Variants in EXD3 observed in about 807,000 individuals in gnomAD.
The protein encoded by EXD3 is exonuclease mut-7 homolog.
A neutral mutation model predicts 98.0 loss-of-function variants in EXD3; 92 were observed. The observed-to-expected ratio is 0.94, with a 90% confidence interval of 0.79 to 1.12. The LOEUF is 1.12. Ranked by LOEUF, EXD3 falls within the 50% of genes most tolerant of loss-of-function variation. The pLI, the probability that EXD3 is intolerant of heterozygous loss-of-function variation, is 0.00. For missense variants in EXD3, 1,222 were observed against 1,191.6 expected (o/e 1.03, Z -0.38); for synonymous variants, 569 against 526.0 (o/e 1.08, Z -1.12).
chr9:137,365,666 GCA>G lies in EXD3; in HGVS notation c.656+825_656+826del, dbSNP rs200374530. ...ACACATACATGTACACACACCACAC[GCA>G]CACACATGCACAGGCACACATGCAC... On this transcript the variant is annotated intron_variant, in intron 7 of 21. Transcript: ENST00000340951. 7.5e-3 allele frequency: 1,453 copies of G among 194,384 alleles called. 25 individuals are homozygous for G. The highest frequency in any genetic ancestry group is 0.031 in the African/African-American group (1,125 of 36,086). 12.0% of individuals were successfully genotyped at this position (194,384 alleles called of 1,614,324 possible).
At chr9:137,320,268 G>T (rs1037697729) in intron 19 of EXD3, among the ~76,000 whole-genome samples, 3 of 152,188 alleles carry the variant, frequency 2.0e-5, no homozygotes, top group East Asian at 1.9e-4. Flanking sequence ...GTGGCAGGTC[G>T]CTGCCTGGGG....
At chr9:137,383,459 T>C (rs894607098) in intron 2 of EXD3, 82 bp from the exon 3 acceptor site, 1 of 1,051,668 alleles carries the variant, frequency 9.5e-7, no homozygotes, top group African/African-American at 1.6e-5. Flanking sequence ...TCCCTCCCAC[T>C]GACCCGCAAT....
chr9:137,369,156 T>G (rs1211723670), intron 5 of EXD3, among the ~76,000 whole-genome samples: 2 of 86,602 alleles, frequency 2.3e-5, no homozygotes, highest in East Asian at 7.3e-4. Context: ...GGGCGGGGCC[T>G]CAGGGCCGTG....
intron 17 of EXD3, among the ~76,000 whole-genome samples, chr9:137,332,651 G>C (rs943225278): frequency 6.6e-6 from 1 of 151,846 alleles, no homozygotes; most frequent in Non-Finnish European, 1.5e-5. Flanking sequence ...AGACCATCCT[G>C]GCTAAAACAG....
At chr9:137,358,986 G>A (rs916429479) in intron 7 of EXD3, among the ~76,000 whole-genome samples, 11 of 149,076 alleles carry the variant, frequency 7.4e-5, no homozygotes, top group East Asian at 4.1e-4. Flanking sequence ...TTGCTCTGTC[G>A]CCCAGGCTGG....
rs1837541366 is a variant in EXD3, at chr9:137,403,054, A to C, written c.-47-7650T>G. ...ATTCTGGGAGATACAATTCAAGTTGAGATGTGGGTGAGGACACAGCCAAAG... is the reference window on the plus strand; with the variant it reads ...ATTCTGGGAGATACAATTCAAGTTGCGATGTGGGTGAGGACACAGCCAAAG... On this transcript the variant is annotated intron_variant, in intron 1 of 21. Transcript: ENST00000340951. The surrounding 1 kb of genome is among the most constrained non-coding windows in gnomAD (Gnocchi z 6.1). Among the ~76,000 whole-genome samples, 1 of 152,056 alleles carries C rather than the reference A, an allele frequency of 6.6e-6. No homozygotes were observed. Among genetic ancestry groups the C allele is most frequent in the Non-Finnish European group, 1.5e-5 (1 of 68,006 alleles).
At chr9:137,313,761 G>A (rs941855801) in intron 19 of EXD3, among the ~76,000 whole-genome samples, 2 of 152,132 alleles carry the variant, frequency 1.3e-5, no homozygotes, top group Non-Finnish European at 2.9e-5. Context: ...CAGGCAGGGC[G>A]ATGGGGCTGT....
intron 19 of EXD3, among the ~76,000 whole-genome samples, chr9:137,320,521 G>T (rs1001176475): frequency 6.6e-6 from 1 of 152,196 alleles, no homozygotes; most frequent in Non-Finnish European, 1.5e-5. Flanking sequence ...GGGCAGCTTG[G>T]GGGTTGCAGG....
rs1837149011 is a variant in EXD3 at position 137,395,242 on chromosome 9, A to AC, written c.55+60dup. On this transcript the variant is annotated intron_variant, in intron 2 of 21. Transcript: ENST00000340951. This position sits in a 1 kb window ranked among gnomAD's most constrained non-coding sequence, Gnocchi z 6.5. The stretch of plus-strand genomic sequence containing the variant: ...CAGTGGGCGCCACCACCCCCCATGC[A>AC]CACCCACGCACCTCCCCCCACAGCC... 9.6e-6 allele frequency: 11 copies of AC among 1,140,420 alleles called. No individual in the cohort carries two copies. Among genetic ancestry groups the AC allele is most frequent in the Non-Finnish European group, 1.5e-5 (11 of 755,528 alleles). The allele number at this position is 1,140,420 out of a possible 1,614,324, so 70.6% of individuals were successfully genotyped here.
chr9:137,318,324 C>A (rs900688306), intron 19 of EXD3, among the ~76,000 whole-genome samples: 2 of 152,056 alleles, frequency 1.3e-5, no homozygotes, highest in Admixed American at 6.5e-5. Context: ...GCTGCCGGCA[C>A]CCCCCCTCGT....
At chr9:137,408,509 T>C (rs1433383860) in intron 1 of EXD3, among the ~76,000 whole-genome samples, 1 of 128,512 alleles carries the variant, frequency 7.8e-6, no homozygotes, top group Non-Finnish European at 1.6e-5. Context: ...ATCGCACCAC[T>C]ACACTCCAGC....
At chr9:137,368,052 G>T in intron 5 of EXD3, 63 bp from the exon 6 acceptor site, 1 of 1,400,144 alleles carries the variant, frequency 7.1e-7, no homozygotes, top group Non-Finnish European at 9.9e-7. Context: ...CACGGCGGGT[G>T]AGGGGGCTAC....
chr9:137,353,920 G>A (rs892584712), intron 10 of EXD3: 40 of 1,010,958 alleles, frequency 4.0e-5, no homozygotes, highest in South Asian at 4.6e-5. Context: ...GAAGCCGCCC[G>A]CATTCTTCAG....
In EXD3 at chr9:137,371,520, C is replaced by T. The variant is rs202010085; in HGVS notation, c.462+1385G>A. Among the ~76,000 whole-genome samples the T allele has an allele frequency of 4.9e-4, 74 of 152,220 alleles. No homozygotes were observed. The East Asian group carries it at 8.5e-3, about 17-fold the overall frequency. On this transcript the variant is annotated intron_variant, in intron 5 of 21. Transcript: ENST00000340951. This position sits in a 1 kb window ranked among gnomAD's most constrained non-coding sequence, Gnocchi z 8.0. ...GGAACCCAGGGTGCCATCGGGACGG[C>T]GTCTCAGCAGCAGGGTCCCACGTGG...
In EXD3 at chr9:137,352,656, A is replaced by T. The variant is rs1229963456; in HGVS notation, c.1001T>A (p.Val334Glu). ...CCTGAACCGGCGGAGTTCCACAGCC[A>T]CCGCAGCCGGCAGCCGCTCCTCGGG... ...LLPEERLPAA[V>E]AVELRRFRLQ... is the part of the protein sequence containing the mutation. Residue 334 changes from valine to glutamate, a missense_variant, in exon 11 of 22, where the codon GTG (valine) becomes GAG (glutamate). Val to Glu is a moderately radical substitution (Grantham distance 121, BLOSUM62 -2). Transcript: ENST00000340951. 1 of 1,548,854 alleles carries T rather than the reference A, an allele frequency of 6.5e-7. No individual in the cohort carries two copies. Among genetic ancestry groups the T allele is most frequent in the South Asian group, 1.2e-5 (1 of 83,978 alleles).
intron 3 of EXD3, among the ~76,000 whole-genome samples, chr9:137,376,361 A>G (rs896987183): frequency 2.0e-5 from 3 of 150,416 alleles, no homozygotes; most frequent in Non-Finnish European, 4.5e-5. Flanking sequence ...AAAAAAAAAA[A>G]AAAAAAAGAA....
chr9:137,346,944 T>C (rs975446184), intron 17 of EXD3, among the ~76,000 whole-genome samples: 1 of 152,058 alleles, frequency 6.6e-6, no homozygotes, highest in South Asian at 2.1e-4. Context: ...GCCTCCCGAG[T>C]AGCTGGGATT....
intron 17 of EXD3, among the ~76,000 whole-genome samples, chr9:137,342,570 T>C (rs1210897488): frequency 6.6e-6 from 1 of 152,198 alleles, no homozygotes; most frequent in Non-Finnish European, 1.5e-5. Context: ...ACCCGCTGCC[T>C]GGCATATACC....
In EXD3 at chr9:137,356,317, C is replaced by A. The variant is rs369860371; in HGVS notation, c.708G>T (p.Ala236=). The change falls in exon 8 of 22, where the codon GCG becomes GCT. Residue 236 remains alanine (A), a synonymous_variant. Transcript: ENST00000340951. ...SLSLEKLSPK[A]LSRQVLRLQE... ...GCAGACGCAAGACCTGCCTGCTCAGCGCCTTCGGACTCAGCTTCTCCAGGC... is the reference window on the plus strand; with the variant it reads ...GCAGACGCAAGACCTGCCTGCTCAGAGCCTTCGGACTCAGCTTCTCCAGGC... 1.9e-6 allele frequency: 3 copies of A among 1,604,476 alleles called. No homozygotes were observed. Among genetic ancestry groups the A allele is most frequent in the Non-Finnish European group, 2.6e-6 (3 of 1,175,958 alleles).
Sources: allele counts gnomAD v4.1 joint callset (sites outside exome capture counted in the v4.1 genomes callset), GRCh38; gene constraint gnomAD v4.1.1; non-coding constraint Gnocchi (gnomAD v3.1); transcripts MANE v1.5; gene names NCBI Gene and HGNC (gene_info 2026-07-23, HGNC 2026-07-21).